Variants in NR5A2 observed in about 807,000 individuals in gnomAD.
NR5A2 encodes the protein nuclear receptor subfamily 5 group A member 2.
In NR5A2, 26 loss-of-function variants were observed where a neutral mutation model predicts 62.7. The observed-to-expected ratio is 0.41, with a 90% CI of 0.30 to 0.58. The LOEUF is 0.58. Ranked by LOEUF, NR5A2 falls within the 20% of genes least tolerant of loss-of-function variation. NR5A2 has a pLI of 0.22. For missense variants in NR5A2, 541 were observed against 669.1 expected, an observed-to-expected ratio of 0.81 and a Z score of 2.11; for synonymous variants, 246 against 241.7, an observed-to-expected ratio of 1.02 and a Z score of -0.16.
chr1:200,138,803 G>A (rs1667332240), intron 7 of NR5A2, among the ~76,000 whole-genome samples: 1 of 152,028 alleles, frequency 6.6e-6, no homozygotes, highest in Non-Finnish European at 1.5e-5. Context: ...AATCTCACAT[G>A]TTTTATGCAT....
intron 7 of NR5A2, among the ~76,000 whole-genome samples, chr1:200,160,164 TCC>T (rs1653579155): frequency 6.6e-6 from 1 of 152,194 alleles, no homozygotes; most frequent in African/African-American, 2.4e-5. Flanking sequence ...CTACAAGCAA[TCC>T]CAACTGCACT....
In NR5A2 at chr1:200,050,818, G is replaced by T. The variant is rs537893898; in HGVS notation, c.1110+2000G>T. 2.4e-4 allele frequency among the ~76,000 whole-genome samples: 36 copies of T among 152,324 alleles called. 1 individual carries two copies. In the South Asian group the frequency reaches 6.0e-3, roughly 25 times the overall value. ...GAGACAGGAGAATTGCTTGAACCTG[G>T]GAGGCGGAGGTTGCGGTGAGCCGAG... On this transcript the variant is annotated intron_variant, in intron 5 of 7. Coordinates refer to ENST00000367362, the MANE Select transcript of NR5A2 (RefSeq NM_205860.3).
intron 6 of NR5A2, among the ~76,000 whole-genome samples, chr1:200,114,297 CACACAT>C (rs1274221256): frequency 1.8e-4 from 21 of 119,264 alleles, no homozygotes; most frequent in African/African-American, 5.0e-4. Context: ...TATATATACA[CACACAT>C]ATATATGATA....
At chr1:200,127,400 G>C (rs1464095308) in intron 7 of NR5A2, among the ~76,000 whole-genome samples, 1 of 151,900 alleles carries the variant, frequency 6.6e-6, no homozygotes, top group Non-Finnish European at 1.5e-5. Context: ...CAAAAGGCCG[G>C]GTACAGTGGC....
At chr1:200,170,759 G>A (rs1286050652) in intron 7 of NR5A2, among the ~76,000 whole-genome samples, 1 of 152,158 alleles carries the variant, frequency 6.6e-6, no homozygotes, top group Non-Finnish European at 1.5e-5. Context: ...TGATTATTCA[G>A]ATCACAAAAG....
chr1:200,111,086 A>G, intron 5 of NR5A2, 116 bp from the exon 6 acceptor site: 1 of 1,178,864 alleles, frequency 8.5e-7, no homozygotes, highest in Non-Finnish European at 1.2e-6. Context: ...ATGGGTGGAG[A>G]CTTTCTTGTT....
chr1:200,170,869 A>C (rs1450759533), intron 7 of NR5A2, among the ~76,000 whole-genome samples: 2 of 152,236 alleles, frequency 1.3e-5, no homozygotes, highest in African/African-American at 4.8e-5. Context: ...AAATTTTTGA[A>C]AATCAGTTTC....
At chr1:200,168,183 ATATATAG>A (rs1356588900) in intron 7 of NR5A2, among the ~76,000 whole-genome samples, 10 of 151,778 alleles carry the variant, frequency 6.6e-5, no homozygotes, top group African/African-American at 2.4e-4. Context: ...TTCTGTGTAC[ATATATAG>A]TATATACACT....
Position 200,073,282 on chromosome 1 carries a change from ATATATATATTCCCCTT to A in NR5A2, c.1110+24474_1110+24489del, listed in dbSNP as rs1468908855. 5.3e-4 allele frequency among the ~76,000 whole-genome samples: 53 copies of A among 100,900 alleles called. 1 individual carries two copies. The highest frequency in any genetic ancestry group is 1.6e-3 in the South Asian group (5 of 3,050). 66.2% of individuals were successfully genotyped at this position (100,900 alleles called of 152,430 possible). A position where few individuals can be genotyped will look rare whatever the true frequency, so the allele number is the denominator to read the frequency against. ...TATATTCCCCTTTATATATATATAT[ATATATATATTCCCCTT>A]TATATATATATATATATTCCCCTTT... On this transcript the variant is annotated intron_variant, in intron 5 of 7. Transcript: ENST00000367362.
intron 7 of NR5A2, among the ~76,000 whole-genome samples, chr1:200,159,588 T>C (rs774298656): frequency 2.0e-5 from 3 of 152,166 alleles, no homozygotes; most frequent in African/African-American, 7.2e-5. Flanking sequence ...TTTGTAGAGA[T>C]TGTTGAATGC....
intron 7 of NR5A2, among the ~76,000 whole-genome samples, chr1:200,128,876 T>G (rs1385066305): frequency 6.6e-6 from 1 of 152,220 alleles, no homozygotes; most frequent in South Asian, 2.1e-4. Context: ...TAAAAGTCTT[T>G]TAGATAGGGA....
intron 5 of NR5A2, among the ~76,000 whole-genome samples, chr1:200,071,853 A>AT (rs1018234881): frequency 5.3e-5 from 8 of 152,030 alleles, no homozygotes; most frequent in Admixed American, 2.0e-4. Context: ...TATTTAGCAG[A>AT]TTTTTTTTAT....
At chr1:200,119,596 T>G (rs527319210) in intron 6 of NR5A2, among the ~76,000 whole-genome samples, 1 of 152,314 alleles carries the variant, frequency 6.6e-6, no homozygotes, top group South Asian at 2.1e-4. Flanking sequence ...GAACTTCTTA[T>G]GTCCCCATGA....
At chr1:200,076,900 A>G (rs1664067024) in intron 5 of NR5A2, among the ~76,000 whole-genome samples, 1 of 152,198 alleles carries the variant, frequency 6.6e-6, no homozygotes, top group African/African-American at 2.4e-5. Flanking sequence ...TAATAGATTA[A>G]TTTGTATAAA....
intron 7 of NR5A2, among the ~76,000 whole-genome samples, chr1:200,124,610 A>T (rs1288107421): frequency 6.6e-6 from 1 of 152,212 alleles, no homozygotes; most frequent in African/African-American, 2.4e-5. Context: ...AATGCTTGGT[A>T]CATAGTAGGG....
chr1:200,027,834 T>A lies in NR5A2; in HGVS notation c.-14T>A, dbSNP rs1661401490. 1.9e-6 allele frequency: 3 copies of A among 1,591,892 alleles called. No individual in the cohort carries two copies. Among genetic ancestry groups the A allele is most frequent in the East Asian group, 4.5e-5 (2 of 44,540 alleles). On this transcript the variant is annotated 5_prime_UTR_variant, in exon 1 of 8. An upstream open reading frame in the 5' UTR gains an earlier in-frame stop. Transcript: ENST00000367362. ...CTGCTTTAAGCCAAAGAACTGCCTA[T>A]AATTTCACTAAGAATGTCTTCTAAT...
chr1:200,145,988 C>T (rs1667683083), intron 7 of NR5A2, among the ~76,000 whole-genome samples: 1 of 152,190 alleles, frequency 6.6e-6, no homozygotes, highest in East Asian at 1.9e-4. Context: ...CAATTTTACT[C>T]TTCAAAAATT....
chr1:200,127,691 A>ATATAT (rs1472764291), intron 7 of NR5A2, among the ~76,000 whole-genome samples: 3 of 68,580 alleles, frequency 4.4e-5, no homozygotes, highest in Non-Finnish European at 6.3e-5. Context: ...AAAAAAAAAA[A>ATATAT]AAAAAAAAAA....
chr1:200,054,301 T>C (rs1662808933), intron 5 of NR5A2: 2 of 152,242 alleles, frequency 1.3e-5, no homozygotes, highest in Admixed American at 1.3e-4. Flanking sequence ...ATTCGAGACT[T>C]TTGTATTCTG....
Sources: gnomAD v4.1 joint callset for allele counts (sites outside exome capture counted in the v4.1 genomes callset) on GRCh38, gnomAD v4.1.1 for gene constraint, MANE v1.5 for transcripts, NCBI Gene and HGNC (gene_info 2026-07-23, HGNC 2026-07-21) for gene names.